Variants in DNAH12 observed in about 807,000 individuals in gnomAD.
DNAH12 encodes the protein dynein axonemal heavy chain 12.
In DNAH12, 285 loss-of-function variants were observed where a neutral mutation model predicts 371.5. The observed-to-expected ratio is 0.77, with a 90% confidence interval of 0.70 to 0.85. The LOEUF (loss-of-function observed/expected upper bound fraction) is 0.85. Ranked by LOEUF, DNAH12 falls within the 40% of genes least tolerant of loss-of-function variation. DNAH12 has a pLI of 0.00. For synonymous variants in DNAH12, 1,200 were observed against 1,213.0 expected (o/e 0.99, Z 0.22); for missense variants, 3,611 against 3,689.4 (o/e 0.98, Z 0.55).
chr3:57,358,416 A>C (rs1440162326), intron 58 of DNAH12, among the ~76,000 whole-genome samples: 3 of 126,910 alleles, frequency 2.4e-5, no homozygotes, highest in Non-Finnish European at 5.4e-5. Context: ...GAAGAGACAG[A>C]GAGTACAGAA....
At chr3:57,472,434 T>G (rs1042509613) in intron 14 of DNAH12, 112 bp downstream of exon 14, 1 of 1,350,402 alleles carries the variant, frequency 7.4e-7, no homozygotes, top group Non-Finnish European at 1.0e-6. Flanking sequence ...AAACTCATAT[T>G]GACACACAAA....
At chr3:57,502,563 C>A in intron 9 of DNAH12, 84 bp from the exon 10 acceptor site, 1 of 1,366,202 alleles carries the variant, frequency 7.3e-7, no homozygotes, top group Non-Finnish European at 9.9e-7. Flanking sequence ...TTTTTTTTTC[C>A]TTTGGAGACG....
chr3:57,308,729 T>C (rs2061523018), intron 69 of DNAH12, among the ~76,000 whole-genome samples: 1 of 152,190 alleles, frequency 6.6e-6, no homozygotes, highest in Non-Finnish European at 1.5e-5. Flanking sequence ...AGTAAATAAA[T>C]AATCTTTGCT....
At chr3:57,300,898 T>A (rs990152892) in intron 70 of DNAH12, among the ~76,000 whole-genome samples, 1 of 152,018 alleles carries the variant, frequency 6.6e-6, no homozygotes, top group Non-Finnish European at 1.5e-5. Context: ...AAAAGCAGTG[T>A]TCTGTCTGAT....
At chr3:57,379,019 G>A (rs879145196) in intron 52 of DNAH12, 139 bp downstream of exon 52, 99,745 of 152,074 alleles carry the variant, frequency 0.66, 33,409 homozygotes, top group Non-Finnish European at 0.75. Flanking sequence ...GTATGCAATC[G>A]ATATATGATA....
chr3:57,401,809 T>C (rs1553678840), intron 43 of DNAH12, among the ~76,000 whole-genome samples: 1 of 152,054 alleles, frequency 6.6e-6, no homozygotes, highest in African/African-American at 2.4e-5. Flanking sequence ...TAGCACACTC[T>C]GGTAGCACAA....
At chr3:57,331,676 C>T (rs1463586038) in intron 62 of DNAH12, among the ~76,000 whole-genome samples, 2 of 152,126 alleles carry the variant, frequency 1.3e-5, no homozygotes, top group African/African-American at 4.8e-5. Context: ...ATTGCAATCA[C>T]TTTCAAAACC....
intron 21 of DNAH12, 22 bp from the exon 22 acceptor site, chr3:57,458,025 C>T: frequency 3.2e-6 from 5 of 1,541,560 alleles, no homozygotes; most frequent in Middle Eastern, 3.4e-4. Context: ...CATGCAAATA[C>T]AAAAGTTTTA....
chr3:57,425,461 T>C (rs2064737176), intron 34 of DNAH12, among the ~76,000 whole-genome samples: 1 of 151,884 alleles, frequency 6.6e-6, no homozygotes, highest in African/African-American at 2.4e-5. Flanking sequence ...TAGAGTGCAG[T>C]AGTGTGATCA....
intron 59 of DNAH12, among the ~76,000 whole-genome samples, chr3:57,356,181 C>G (rs1189341528): frequency 2.0e-5 from 3 of 152,066 alleles, no homozygotes; most frequent in African/African-American, 7.2e-5. Context: ...GTGGCTCACT[C>G]CTGTAATCTC....
intron 34 of DNAH12, 145 bp from the exon 35 acceptor site, chr3:57,425,286 C>T (rs1214958022): frequency 3.5e-6 from 2 of 572,386 alleles, no homozygotes; most frequent in Non-Finnish European, 6.2e-6. Flanking sequence ...CTCACTCTGT[C>T]ATCCAGGCTG....
At chr3:57,405,204 G>A in intron 41 of DNAH12, 57 bp from the exon 42 acceptor site, 1 of 1,432,256 alleles carries the variant, frequency 7.0e-7, no homozygotes, top group African/African-American at 1.5e-5. Flanking sequence ...ATAAATTTAA[G>A]AAAACAAAAT....
chr3:57,444,667 C>T (rs780335133), intron 29 of DNAH12, 30 bp downstream of exon 29: 11 of 1,542,752 alleles, frequency 7.1e-6, no homozygotes, highest in African/African-American at 4.1e-5. Flanking sequence ...TTTATTATGC[C>T]GAATAAGTCA....
Position 57,427,515 on chromosome 3 carries a change from T to C in DNAH12, c.5253+1118A>G, listed in dbSNP as rs1394793209. Among the ~76,000 whole-genome samples the C allele has an allele frequency of 2.6e-5, 4 of 151,940 alleles. No individual in the cohort carries two copies. In the East Asian group the frequency reaches 5.8e-4, roughly 22 times the overall value. ...CAGCCTGGCCAACATGGAGAAACCATGTCTCTACTAAAAATACAAAAAAAA... is the reference window on the plus strand; with the variant it reads ...CAGCCTGGCCAACATGGAGAAACCACGTCTCTACTAAAAATACAAAAAAAA... On this transcript the variant is annotated intron_variant, in intron 34 of 73. Coordinates refer to ENST00000495027, the MANE Select transcript of DNAH12 (RefSeq NM_001366028.2).
In DNAH12 at chr3:57,470,567, T is replaced by G; in HGVS notation, c.1981A>C (p.Lys661Gln). ...ESEEAVQFINKEEELFKWELT... is the reference protein window; with the variant it reads ...ESEEAVQFINQEEELFKWELT... The stretch of plus-strand genomic sequence containing the variant: ...TCCCACTTGAAAAGTTCCTCTTCTT[T>G]ATTAATAAACTGCACTGCTTCTTCA... The change falls in exon 16 of 74, where the codon AAA (lysine) becomes CAA (glutamine). Residue 661 changes from lysine (K) to glutamine (Q), a missense_variant. Lys to Gln is a moderately conservative substitution (Grantham distance 53, BLOSUM62 1). Coordinates refer to ENST00000495027, the MANE Select transcript of DNAH12 (RefSeq NM_001366028.2). 6.5e-7 allele frequency: 1 copy of G among 1,550,380 alleles called. No individual in the cohort carries two copies. The highest frequency in any genetic ancestry group is 8.7e-7 in the Non-Finnish European group (1 of 1,146,748).
intron 62 of DNAH12, among the ~76,000 whole-genome samples, chr3:57,332,976 A>G (rs1326387468): frequency 1.3e-5 from 2 of 152,234 alleles, no homozygotes; most frequent in Non-Finnish European, 2.9e-5. Context: ...GAAAGGAACA[A>G]TTCAAACTTC....
intron 6 of DNAH12, 141 bp downstream of exon 6, chr3:57,508,999 G>A: frequency 1.4e-6 from 1 of 724,434 alleles, no homozygotes. Flanking sequence ...TACCTCTGAG[G>A]TAAAAACAAG....
intron 4 of DNAH12, among the ~76,000 whole-genome samples, chr3:57,521,949 C>T (rs943001727): frequency 1.3e-5 from 2 of 150,934 alleles, no homozygotes; most frequent in African/African-American, 4.9e-5. Flanking sequence ...TTTGGCCAGG[C>T]GAGATGTCTC....
chr3:57,488,845 TA>T (rs1409730852), intron 12 of DNAH12, among the ~76,000 whole-genome samples: 1 of 152,120 alleles, frequency 6.6e-6, no homozygotes, highest in Non-Finnish European at 1.5e-5. Context: ...ATTCCCTCTC[TA>T]AAAGGCAAAG....
Sources: allele counts gnomAD v4.1 joint callset (sites outside exome capture counted in the v4.1 genomes callset), GRCh38; gene constraint gnomAD v4.1.1; transcripts MANE v1.5; gene names NCBI Gene and HGNC (gene_info 2026-07-23, HGNC 2026-07-21).